The following PHACTR1 variants were observed in gnomAD, a reference collection of about 807,000 sequenced individuals.
PHACTR1 encodes phosphatase and actin regulator 1.
A neutral mutation model predicts 69.2 loss-of-function variants in PHACTR1; 16 were observed. That is an observed-to-expected ratio of 0.23 (90% confidence interval 0.16 to 0.35). The LOEUF (loss-of-function observed/expected upper bound fraction) is 0.35. PHACTR1 is among the 10% of genes least tolerant of loss of function. The pLI is 1.00. For synonymous variants in PHACTR1, 312 were observed against 284.5 expected (o/e 1.10, Z -0.97); for missense variants, 510 against 734.7 (o/e 0.69, Z 3.54).
intron 4 of PHACTR1, among the ~76,000 whole-genome samples, chr6:12,969,617 A>G (rs1299998580): frequency 6.6e-6 from 1 of 152,186 alleles, no homozygotes; most frequent in Non-Finnish European, 1.5e-5. Context: ...CATAATTGAG[A>G]ACTCAGAATC....
chr6:13,190,330 C>T (rs28451621), intron 7 of PHACTR1, among the ~76,000 whole-genome samples: 17,667 of 151,462 alleles, frequency 0.12, 2,928 homozygotes, highest in African/African-American at 0.37. Flanking sequence ...CCACCAAGCC[C>T]GGCTTGATGT....
At chr6:12,960,504 A>G (rs1562058637) in intron 4 of PHACTR1, among the ~76,000 whole-genome samples, 1 of 152,202 alleles carries the variant, frequency 6.6e-6, no homozygotes, top group Non-Finnish European at 1.5e-5. Flanking sequence ...AACTGGTTTA[A>G]GCCACAGAGG....
At chr6:13,229,832 C>G (rs1028520291) in intron 9 of PHACTR1, among the ~76,000 whole-genome samples, 12 of 152,370 alleles carry the variant, frequency 7.9e-5, no homozygotes, top group Admixed American at 5.9e-4. Flanking sequence ...ACAGGTTCCC[C>G]ATGTGCTGTC....
chr6:12,769,534 ACTT>A (rs1280054728), intron 4 of PHACTR1, among the ~76,000 whole-genome samples: 18 of 152,146 alleles, frequency 1.2e-4, no homozygotes, highest in South Asian at 6.2e-4. Context: ...TCTGTGTCTT[ACTT>A]CTTCTGGGAT....
At chr6:12,847,385 C>CA (rs1298625438) in intron 4 of PHACTR1, among the ~76,000 whole-genome samples, 2 of 152,084 alleles carry the variant, frequency 1.3e-5, no homozygotes, top group Non-Finnish European at 2.9e-5. Flanking sequence ...AGAGATGAGT[C>CA]AAAAACCAAG....
At chr6:13,047,909 A>G (rs1805336062) in intron 4 of PHACTR1, among the ~76,000 whole-genome samples, 1 of 152,146 alleles carries the variant, frequency 6.6e-6, no homozygotes. Context: ...CTCCCGCTGC[A>G]TGCCCTAGGA....
intron 10 of PHACTR1, among the ~76,000 whole-genome samples, chr6:13,250,448 CA>C (rs1774229960): frequency 6.6e-6 from 1 of 152,200 alleles, no homozygotes; most frequent in South Asian, 2.1e-4. Context: ...TCCAGTTTTT[CA>C]AACTTGATTT....
At chr6:13,002,512 A>G (rs1289378291) in intron 4 of PHACTR1, among the ~76,000 whole-genome samples, 2 of 152,182 alleles carry the variant, frequency 1.3e-5, no homozygotes, top group Non-Finnish European at 1.5e-5. Context: ...ATATTTCCTC[A>G]GGCTTAAAAG....
At chr6:13,183,357 G>A (rs2113726662) in intron 7 of PHACTR1, among the ~76,000 whole-genome samples, 1 of 151,900 alleles carries the variant, frequency 6.6e-6, no homozygotes, top group South Asian at 2.1e-4. Context: ...TCTGGGAGAA[G>A]GAACCTCTTG....
At chr6:12,982,603 G>A (rs6919749) in intron 4 of PHACTR1, among the ~76,000 whole-genome samples, 2,310 of 152,276 alleles carry the variant, frequency 0.015, 25 homozygotes, top group Non-Finnish European at 0.024. Flanking sequence ...GCTTGAACCC[G>A]AGAGGTGGAG....
chr6:13,208,637 C>G (rs953273384), intron 8 of PHACTR1, among the ~76,000 whole-genome samples: 5 of 151,218 alleles, frequency 3.3e-5, no homozygotes, highest in African/African-American at 9.7e-5. Context: ...GCCCACCCCC[C>G]CAACCCCATG....
intron 4 of PHACTR1, among the ~76,000 whole-genome samples, chr6:12,890,242 A>G (rs1374138391): frequency 1.3e-5 from 2 of 152,094 alleles, no homozygotes; most frequent in Non-Finnish European, 2.9e-5. Context: ...TGCCGAAAAC[A>G]TCCTCGCCCC....
chr6:13,238,190 G>A (rs1261795611), intron 10 of PHACTR1, among the ~76,000 whole-genome samples: 4 of 152,198 alleles, frequency 2.6e-5, no homozygotes, highest in Non-Finnish European at 4.4e-5. Flanking sequence ...GGAATCAGAC[G>A]GGTTTAAGGT....
chr6:13,220,057 G>A (rs1316776632), intron 8 of PHACTR1, among the ~76,000 whole-genome samples: 1 of 152,166 alleles, frequency 6.6e-6, no homozygotes, highest in East Asian at 1.9e-4. Context: ...GCAAGTTTTT[G>A]TGGTGATTAA....
At chr6:12,968,669 T>C (rs930544320) in intron 4 of PHACTR1, among the ~76,000 whole-genome samples, 4 of 152,204 alleles carry the variant, frequency 2.6e-5, no homozygotes, top group African/African-American at 9.7e-5. Flanking sequence ...AAAGGACTTT[T>C]GTTGTGTGGA....
At chr6:12,829,287 G>A (rs1438142241) in intron 4 of PHACTR1, among the ~76,000 whole-genome samples, 13 of 152,276 alleles carry the variant, frequency 8.5e-5, no homozygotes, top group African/African-American at 3.1e-4. Context: ...TAGAGGCTAG[G>A]GAAAAAGCTC....
At chr6:12,906,479 GC>G (rs1785747029) in intron 4 of PHACTR1, among the ~76,000 whole-genome samples, 1 of 152,072 alleles carries the variant, frequency 6.6e-6, no homozygotes, top group Non-Finnish European at 1.5e-5. Flanking sequence ...TATGTTTTTA[GC>G]TTTGAGAACT....
At chr6:12,812,009 A>G (rs553680492) in intron 4 of PHACTR1, among the ~76,000 whole-genome samples, 251 of 152,184 alleles carry the variant, frequency 1.6e-3, no homozygotes, top group Non-Finnish European at 2.7e-3. Context: ...AGGCAAATGC[A>G]CATAACGTAA....
At chr6:13,008,147 A>G (rs1249831483) in intron 4 of PHACTR1, among the ~76,000 whole-genome samples, 1 of 152,240 alleles carries the variant, frequency 6.6e-6, no homozygotes, top group Non-Finnish European at 1.5e-5. Flanking sequence ...AAAGTCTGCC[A>G]GATTTGATCA....
Sources: gnomAD v4.1 joint callset for allele counts (sites outside exome capture counted in the v4.1 genomes callset) on GRCh38, gnomAD v4.1.1 for gene constraint, MANE v1.5 for transcripts, NCBI Gene and HGNC (gene_info 2026-07-23, HGNC 2026-07-21) for gene names.